The following ENPP1 variants were observed in gnomAD, a reference collection of about 807,000 sequenced individuals.
ENPP1 encodes the protein ectonucleotide pyrophosphatase/phosphodiesterase 1.
In ENPP1, 73 loss-of-function variants were observed where a neutral mutation model predicts 122.8. The ratio of observed to expected loss-of-function variants is 0.59; its 90% CI spans 0.49 to 0.72. The LOEUF (loss-of-function observed/expected upper bound fraction) is 0.72. Among genes scored for constraint, ENPP1 ranks in the 30% least tolerant of loss-of-function variants. The probability of loss-of-function intolerance (pLI) is 0.00; values close to 1 mark genes in which losing one functional copy is unlikely to be tolerated. For synonymous variants in ENPP1, 367 were observed against 391.6 expected (o/e 0.94, Z 0.74); for missense variants, 978 against 1,128.1 (o/e 0.87, Z 1.91).
chr6:131,849,234 A>C (rs937079293), intron 2 of ENPP1, among the ~76,000 whole-genome samples: 2 of 152,150 alleles, frequency 1.3e-5, no homozygotes, highest in African/African-American at 4.8e-5. Flanking sequence ...GGTTTTAGGG[A>C]GACAGTATGC....
chr6:131,817,679 A>G (rs1357270341), intron 1 of ENPP1, among the ~76,000 whole-genome samples: 4 of 151,114 alleles, frequency 2.6e-5, no homozygotes, highest in African/African-American at 7.3e-5. Flanking sequence ...CAGCCTGGGC[A>G]ATATAATGAA....
intron 23 of ENPP1, among the ~76,000 whole-genome samples, chr6:131,885,588 A>G (rs1782367274): frequency 6.6e-6 from 1 of 152,152 alleles, no homozygotes. Flanking sequence ...AAGAGAGGGA[A>G]AGAACATCTT....
intron 10 of ENPP1, 59 bp downstream of exon 10, chr6:131,864,630 T>C: frequency 1.7e-6 from 2 of 1,201,498 alleles, no homozygotes; most frequent in South Asian, 2.5e-5. Context: ...GATATACTAT[T>C]TTAAAATAGA....
At chr6:131,834,443 C>T (rs1251549984) in intron 1 of ENPP1, among the ~76,000 whole-genome samples, 1 of 151,902 alleles carries the variant, frequency 6.6e-6, no homozygotes, top group Non-Finnish European at 1.5e-5. Flanking sequence ...GCTGGTGTTA[C>T]AGGAGCATCT....
rs757986551 is a variant in ENPP1, at chr6:131,861,719, T to G, written c.1025+15T>G. ...ATGTATAATGGGTATGTGAAATGAA[T>G]TTTTTCTAGGATCTGTAATATAGAA... On this transcript the variant is annotated intron_variant, in intron 9 of 24. Transcript: ENST00000647893. The G allele has an allele frequency of 5.1e-6, 7 of 1,379,054 alleles. No individual in the cohort carries two copies. Among genetic ancestry groups the G allele is most frequent in the Non-Finnish European group, 7.2e-6 (7 of 965,654 alleles). 85.4% of individuals were successfully genotyped at this position (1,379,054 alleles called of 1,614,324 possible).
At chr6:131,832,987 A>G (rs928763518) in intron 1 of ENPP1, among the ~76,000 whole-genome samples, 25 of 152,176 alleles carry the variant, frequency 1.6e-4, no homozygotes, top group Non-Finnish European at 3.2e-4. Flanking sequence ...AATTTAGGTT[A>G]TTTGCAAGTT....
intron 1 of ENPP1, among the ~76,000 whole-genome samples, chr6:131,844,586 T>C (rs376456395): frequency 9.7e-5 from 13 of 133,412 alleles, no homozygotes; most frequent in African/African-American, 4.4e-4. Context: ...TGATGAAGAA[T>C]GAAAGTAAAG....
chr6:131,855,731 T>C (rs1781938209), intron 6 of ENPP1, among the ~76,000 whole-genome samples: 1 of 152,096 alleles, frequency 6.6e-6, no homozygotes, highest in African/African-American at 2.4e-5. Context: ...TTCTGTATTA[T>C]CCTTTGGATT....
Position 131,858,689 on chromosome 6 carries a change from A to G in ENPP1, c.737A>G (p.Lys246Arg). The G allele has an allele frequency of 6.2e-7, 1 of 1,609,850 alleles. No individual in the cohort carries two copies. Residue 246 changes from lysine to arginine, a missense_variant, in exon 7 of 25, where the codon AAA becomes AGA. Transcript: ENST00000647893. Reference protein sequence around the residue: ...SKLKKCGTYTKNMRPVYPTKT... With the variant: ...SKLKKCGTYTRNMRPVYPTKT... The stretch of plus-strand genomic sequence containing the variant: ...CTAGAAAAATGTGGAACATATACTA[A>G]AAACATGAGACCGGTATATCCAACA...
chr6:131,824,339 C>G (rs1781518412), intron 1 of ENPP1, among the ~76,000 whole-genome samples: 1 of 151,996 alleles, frequency 6.6e-6, no homozygotes, highest in Admixed American at 6.5e-5. Flanking sequence ...CAACACGGCC[C>G]ATCCCAGAGC....
At position 131,864,884 on chromosome 6, in the gene ENPP1, G is replaced by A; in HGVS notation, c.1110G>A (p.Leu370=). Residue 370 remains leucine (L), a synonymous_variant, in exon 11 of 25, where the codon CTG becomes CTA. Transcript: ENST00000647893. ...GATTTAGACCACACTTTTACACTCTGTATTTAGAAGAACCAGATTCTTCAG... is the reference window on the plus strand; with the variant it reads ...GATTTAGACCACACTTTTACACTCTATATTTAGAAGAACCAGATTCTTCAG... ...PKDERPHFYT[L]YLEEPDSSGH... is the part of the protein sequence containing the mutation. 6.2e-7 allele frequency: 1 copy of A among 1,603,254 alleles called. No homozygotes were observed. Among genetic ancestry groups the A allele is most frequent in the Non-Finnish European group, 8.5e-7 (1 of 1,170,360 alleles).
At chr6:131,870,577 G>C (rs569472944) in intron 13 of ENPP1, among the ~76,000 whole-genome samples, 2 of 152,156 alleles carry the variant, frequency 1.3e-5, no homozygotes, top group Admixed American at 1.3e-4. Flanking sequence ...GGGTTAGGTT[G>C]GTCTATTTGG....
chr6:131,856,381 G>A, intron 6 of ENPP1, among the ~76,000 whole-genome samples: 1 of 149,224 alleles, frequency 6.7e-6, no homozygotes, highest in African/African-American at 2.5e-5. Context: ...TGTAGATTCT[G>A]GATATTAGCC....
intron 1 of ENPP1, among the ~76,000 whole-genome samples, chr6:131,821,768 T>C (rs1178018780): frequency 6.6e-6 from 1 of 152,200 alleles, no homozygotes; most frequent in Admixed American, 6.5e-5. Context: ...GCACGATCAA[T>C]GGAACTATCC....
intron 1 of ENPP1, among the ~76,000 whole-genome samples, chr6:131,822,124 C>T (rs1781491399): frequency 6.6e-6 from 1 of 152,172 alleles, no homozygotes; most frequent in Admixed American, 6.5e-5. Context: ...TCTACTTGGA[C>T]ACGATTTATT....
intron 19 of ENPP1, among the ~76,000 whole-genome samples, chr6:131,879,161 G>A (rs1259654052): frequency 6.6e-6 from 1 of 152,114 alleles, no homozygotes; most frequent in Non-Finnish European, 1.5e-5. Context: ...TAGTTCTGAT[G>A]TAAGTTTGTC....
intron 1 of ENPP1, among the ~76,000 whole-genome samples, chr6:131,839,065 A>G (rs1218321488): frequency 6.6e-6 from 1 of 152,096 alleles, no homozygotes; most frequent in Non-Finnish European, 1.5e-5. Flanking sequence ...TAATCTTACC[A>G]TCCTTACAGC....
intron 17 of ENPP1, 28 bp from the exon 18 acceptor site, chr6:131,876,964 G>C: frequency 6.2e-7 from 1 of 1,610,214 alleles, no homozygotes; most frequent in Non-Finnish European, 8.5e-7. Context: ...AAACATCTAA[G>C]TAACTCTACC....
At chr6:131,826,144 A>T in intron 1 of ENPP1, 1 of 848,234 alleles carries the variant, frequency 1.2e-6, no homozygotes, top group Non-Finnish European at 2.1e-6. Flanking sequence ...CAGATGAGTA[A>T]GGTTTGACAG....
Sources: allele counts gnomAD v4.1 joint callset (sites outside exome capture counted in the v4.1 genomes callset), GRCh38; gene constraint gnomAD v4.1.1; transcripts MANE v1.5; gene names NCBI Gene and HGNC (gene_info 2026-07-23, HGNC 2026-07-21).